Variants in MYO9A observed in about 807,000 individuals in gnomAD.
MYO9A encodes myosin IXA.
Under a neutral mutation model 293.3 loss-of-function variants are expected in MYO9A, and 103 were observed. The ratio of observed to expected loss-of-function variants is 0.35; its 90% confidence interval spans 0.30 to 0.41. The LOEUF (loss-of-function observed/expected upper bound fraction) is 0.41, where lower values mean the gene tolerates loss of function less well. MYO9A is among the 10% of genes least tolerant of loss of function. The pLI, the probability that MYO9A is intolerant of heterozygous loss-of-function variation, is 1.00. For synonymous variants in MYO9A, 1,001 were observed against 1,035.7 expected (o/e 0.97, Z 0.64); for missense variants, 2,685 against 3,033.0 (o/e 0.89, Z 2.69).
chr15:71,923,943 T>C (rs1418882569), intron 18 of MYO9A, among the ~76,000 whole-genome samples: 1 of 152,166 alleles, frequency 6.6e-6, no homozygotes, highest in East Asian at 1.9e-4. Context: ...ATTGGTGGTT[T>C]ACTGGAGATC....
In MYO9A at chr15:71,898,805, T is replaced by C. The variant is rs188386101; in HGVS notation, c.3698A>G (p.Lys1233Arg). Residue 1233 changes from lysine (K) to arginine (R), a missense_variant, in exon 25 of 42, where the codon AAG (lysine) becomes AGG (arginine). Lys to Arg is a conservative substitution (Grantham distance 26). Transcript: ENST00000356056. ...CTGGCTTTGGGCTCTCTCCTGCTGC[T>C]TGTTTGGTGACTCCTTCAAGCAGTC... ...SVDCLKESPN[K>R]QQERAQSQSG... 1 of 1,614,190 alleles carries C rather than the reference T, an allele frequency of 6.2e-7. No individual in the cohort carries two copies. Among genetic ancestry groups the C allele is most frequent in the East Asian group, 2.2e-5 (1 of 44,878 alleles).
chr15:72,031,814 T>C (rs1252913176), intron 3 of MYO9A, among the ~76,000 whole-genome samples: 1 of 151,916 alleles, frequency 6.6e-6, no homozygotes, highest in Non-Finnish European at 1.5e-5. Context: ...AGAAACAATA[T>C]TGTAACAAAA....
At position 72,046,621 on chromosome 15, in the gene MYO9A, T is replaced by G; in HGVS notation, c.-58A>C. The stretch of plus-strand genomic sequence containing the variant: ...ATGTTCAAAGTCGTGCAAACCATTT[T>G]CTTGGTAAAATAACTGTAACATAAA... On this transcript the variant is annotated 5_prime_UTR_variant, in exon 2 of 42. Transcript: ENST00000356056. 6.8e-7 allele frequency: 1 copy of G among 1,461,920 alleles called. No homozygotes were observed. Among genetic ancestry groups the G allele is most frequent in the East Asian group, 2.3e-5 (1 of 43,464 alleles). 90.6% of individuals were successfully genotyped at this position (1,461,920 alleles called of 1,614,324 possible).
At chr15:71,992,916 G>A (rs1242451264) in intron 10 of MYO9A, among the ~76,000 whole-genome samples, 2 of 151,696 alleles carry the variant, frequency 1.3e-5, no homozygotes, top group Non-Finnish European at 2.9e-5. Flanking sequence ...AAAAATGACA[G>A]AATTAACTGC....
At chr15:71,956,351 A>ATATATATATAT (rs71133937) in intron 14 of MYO9A, among the ~76,000 whole-genome samples, 1 of 130,690 alleles carries the variant, frequency 7.7e-6, no homozygotes, top group Admixed American at 7.6e-5. Flanking sequence ...ATATATATAT[A>ATATATATATAT]AAATACGCCC....
At chr15:71,981,975 T>C (rs1055581205) in intron 11 of MYO9A, among the ~76,000 whole-genome samples, 5 of 151,528 alleles carry the variant, frequency 3.3e-5, no homozygotes, top group African/African-American at 1.2e-4. Flanking sequence ...CAATATATTT[T>C]CTAATTGTTC....
rs117343618 is a variant in MYO9A at position 72,040,683 on chromosome 15, C to T, written c.840+5041G>A. ...TGATATTGGCTCACTGCAACCTTTGCCTCCCGAAGAACCCGGTATTTTCTA... is the reference window on the plus strand; with the variant it reads ...TGATATTGGCTCACTGCAACCTTTGTCTCCCGAAGAACCCGGTATTTTCTA... On this transcript the variant is annotated intron_variant, in intron 2 of 41. Transcript: ENST00000356056. 1.2e-3 allele frequency among the ~76,000 whole-genome samples: 186 copies of T among 152,194 alleles called. 4 individuals carry two copies. The East Asian group carries it at 0.022, about 18-fold the overall frequency.
intron 14 of MYO9A, among the ~76,000 whole-genome samples, chr15:71,957,108 G>A (rs975799488): frequency 7.9e-5 from 12 of 152,086 alleles, no homozygotes; most frequent in African/African-American, 2.9e-4. Context: ...ATACCTAGGA[G>A]CAGAATTGGT....
intron 12 of MYO9A, among the ~76,000 whole-genome samples, chr15:71,973,932 C>CT (rs1567335281): frequency 1.3e-5 from 2 of 152,126 alleles, no homozygotes; most frequent in African/African-American, 4.8e-5. Context: ...CTTCCAATGG[C>CT]TATGTGGCAG....
rs578224419 is a variant in MYO9A, at chr15:72,026,874, A to G, written c.998+857T>C. ...AATGGACAAATTCCTAGAAAGATAA[A>G]AACTACCAAATCTGACCACAGATGA... On this transcript the variant is annotated intron_variant, in intron 4 of 41. Coordinates refer to ENST00000356056, the MANE Select transcript of MYO9A (RefSeq NM_006901.4). 9.2e-5 allele frequency among the ~76,000 whole-genome samples: 14 copies of G among 152,332 alleles called. No individual in the cohort carries two copies. The South Asian group carries it at 2.9e-3, about 32-fold the overall frequency.
rs1486026264 is a variant in MYO9A at position 71,823,831 on chromosome 15, A to C, written c.*2749T>G. The C allele has an allele frequency of 6.6e-6, 1 of 152,208 alleles. No homozygotes were observed. The highest frequency in any genetic ancestry group is 1.9e-4 in the East Asian group (1 of 5,196). 9.4% of individuals were successfully genotyped at this position (152,208 alleles called of 1,614,324 possible). A position where few individuals can be genotyped will look rare whatever the true frequency, so the allele number is the denominator to read the frequency against. On this transcript the variant is annotated 3_prime_UTR_variant, in exon 42 of 42. Coordinates refer to ENST00000356056, the MANE Select transcript of MYO9A (RefSeq NM_006901.4). ...GCTGCCCCACTGCTGCCATGCAGAG[A>C]TCAAACAAGCAAAGGAGAAGCACTA...
At position 71,852,212 on chromosome 15, in the gene MYO9A, C is replaced by T. The variant is rs1288408817; in HGVS notation, c.6395G>A (p.Ser2132Asn). ...LDDYNIHVIA[S>N]VFKQWLRDLP... The stretch of plus-strand genomic sequence containing the variant: ...ATCTCGAAGCCATTGTTTGAATACA[C>T]TTGCAATGACGTGTATGTTATAGTC... Residue 2132 changes from serine to asparagine, a missense_variant, in exon 36 of 42, where the codon AGT becomes AAT. Physicochemically the swap from Ser to Asn is conservative, Grantham distance 46 (BLOSUM62 1). This residue lies in a region of MYO9A where 238 missense variants were observed against 269.1 expected (regional missense o/e 0.88). Coordinates refer to ENST00000356056, the MANE Select transcript of MYO9A (RefSeq NM_006901.4). 2.5e-6 allele frequency: 4 copies of T among 1,613,414 alleles called. No homozygotes were observed. Among genetic ancestry groups the T allele is most frequent in the East Asian group, 2.2e-5 (1 of 44,856 alleles).
chr15:71,927,444 T>C lies in MYO9A; in HGVS notation c.2562+6226A>G, dbSNP rs192476144. On this transcript the variant is annotated intron_variant, in intron 18 of 41. Coordinates refer to ENST00000356056, the MANE Select transcript of MYO9A (RefSeq NM_006901.4). ...GAAATCAACAGCCAGACCAATGTCA[T>C]AGAGTTTTCCCCGTATGTTTTATTC... Among the ~76,000 whole-genome samples, 105 of 152,306 alleles carry C rather than the reference T, an allele frequency of 6.9e-4. No individual in the cohort carries two copies. The East Asian group carries it at 0.01, about 15-fold the overall frequency.
At chr15:71,947,337 T>C (rs1399921567) in intron 15 of MYO9A, among the ~76,000 whole-genome samples, 1 of 150,896 alleles carries the variant, frequency 6.6e-6, no homozygotes, top group Non-Finnish European at 1.5e-5. Flanking sequence ...TTATTTGGAG[T>C]CTAATATGCT....
chr15:72,094,295 T>C (rs2080009863), intron 1 of MYO9A, among the ~76,000 whole-genome samples: 1 of 89,332 alleles, frequency 1.1e-5, no homozygotes, highest in African/African-American at 2.6e-5. Flanking sequence ...TACATAAGAG[T>C]AAGAAAATCT....
intron 9 of MYO9A, among the ~76,000 whole-genome samples, chr15:71,998,556 T>G (rs1353676402): frequency 5.9e-5 from 1 of 16,820 alleles, no homozygotes; most frequent in East Asian, 3.4e-3. Flanking sequence ...CTTTCTTTTT[T>G]TTTTTTGTCT....
At chr15:72,002,704 T>C (rs1311608464) in intron 8 of MYO9A, among the ~76,000 whole-genome samples, 1 of 152,052 alleles carries the variant, frequency 6.6e-6, no homozygotes, top group South Asian at 2.1e-4. Flanking sequence ...ACTGAAAATA[T>C]AGAAACAAGA....
intron 12 of MYO9A, among the ~76,000 whole-genome samples, chr15:71,972,977 C>T (rs2076052466): frequency 6.6e-6 from 1 of 152,034 alleles, no homozygotes; most frequent in African/African-American, 2.4e-5. Flanking sequence ...AATAAATAGC[C>T]ATAAAACTAG....
Position 72,017,010 on chromosome 15 carries a change from C to CTTT in MYO9A, c.1155+2026_1155+2028dup, listed in dbSNP as rs61153023. Among the ~76,000 whole-genome samples the CTTT allele has an allele frequency of 1.7e-3, 98 of 58,276 alleles. 11 individuals are homozygous for CTTT. Among genetic ancestry groups the CTTT allele is most frequent in the African/African-American group, 3.3e-3 (53 of 16,116 alleles). 38.2% of individuals were successfully genotyped at this position (58,276 alleles called of 152,430 possible). Reference sequence around the variant, plus strand: ...GGTCATTCTGCTTCAGAGCCCAAATCTTTTTTTTTTTTTTTTTTTTTTTTT... The same window carrying CTTT: ...GGTCATTCTGCTTCAGAGCCCAAATCTTTTTTTTTTTTTTTTTTTTTTTTTTTT... On this transcript the variant is annotated intron_variant, in intron 6 of 41. Transcript: ENST00000356056.
Sources: allele counts gnomAD v4.1 joint callset (sites outside exome capture counted in the v4.1 genomes callset), GRCh38; gene constraint gnomAD v4.1.1; regional missense constraint gnomAD v4.1.1; transcripts MANE v1.5; gene names NCBI Gene and HGNC (gene_info 2026-07-23, HGNC 2026-07-21).